SRL: variants seen among roughly 807,000 people sequenced by gnomAD.
SRL encodes sarcalumenin.
In SRL, 23 loss-of-function variants were observed where a neutral mutation model predicts 39.5. The ratio of observed to expected loss-of-function variants is 0.58; its 90% CI spans 0.42 to 0.82. The LOEUF is 0.82. SRL is among the 40% of genes least tolerant of loss of function. The pLI, the probability that SRL is intolerant of heterozygous loss-of-function variation, is 0.00. For missense variants in SRL, 592 were observed against 607.8 expected (o/e 0.97, Z 0.27); for synonymous variants, 272 against 237.4 (o/e 1.15, Z -1.34).
chr16:4,219,395 C>T (rs188284993), intron 1 of SRL, among the ~76,000 whole-genome samples: 43 of 152,348 alleles, frequency 2.8e-4, no homozygotes, highest in East Asian at 1.9e-3. Context: ...AAAGGACAGC[C>T]CCTTGGTGAG....
chr16:4,227,240 G>A (rs951228934), intron 1 of SRL, among the ~76,000 whole-genome samples: 3 of 151,698 alleles, frequency 2.0e-5, no homozygotes, highest in Non-Finnish European at 1.5e-5. Flanking sequence ...GTGGGTGGAT[G>A]GATGGATGAA....
At chr16:4,241,535 C>T (rs1028220780) in intron 1 of SRL, among the ~76,000 whole-genome samples, 1 of 152,248 alleles carries the variant, frequency 6.6e-6, no homozygotes, top group Non-Finnish European at 1.5e-5. Flanking sequence ...CCAAAACGGT[C>T]CCCACCTTTG....
chr16:4,192,188 T>C lies in SRL; in HGVS notation c.1387A>G (p.Ser463Gly), dbSNP rs1160139014. The change falls in exon 6 of 6, where the codon AGC becomes GGC. Residue 463 changes from serine (S) to glycine (G), a missense_variant. Ser to Gly is a moderately conservative substitution (Grantham distance 56, BLOSUM62 0). Coordinates refer to ENST00000399609, the MANE Select transcript of SRL (RefSeq NM_001098814.2). This position sits in a 1 kb window ranked among gnomAD's most constrained non-coding sequence, Gnocchi z 4.0. Reference protein sequence around the residue: ...GALNCDKTGCSETPKNRYRKH With the variant: ...GALNCDKTGCGETPKNRYRKH ...CTGTAGCGATTTTTTGGTGTTTCGC[T>C]ACACCCTGTTTTGTCACAGTTGAGA... 1 of 1,572,108 alleles carries C rather than the reference T, an allele frequency of 6.4e-7. No homozygotes were observed. The highest frequency in any genetic ancestry group is 2.2e-5 in the East Asian group (1 of 44,678).
At chr16:4,212,755 C>A (rs2052409824) in intron 1 of SRL, among the ~76,000 whole-genome samples, 1 of 152,102 alleles carries the variant, frequency 6.6e-6, no homozygotes, top group African/African-American at 2.4e-5. Context: ...CCAAGCACAA[C>A]ACACAACAAT....
intron 1 of SRL, among the ~76,000 whole-genome samples, chr16:4,225,767 C>T (rs749948228): frequency 1.3e-5 from 2 of 152,114 alleles, no homozygotes; most frequent in African/African-American, 4.8e-5. Context: ...TGTCCCCCAT[C>T]CCCTGTGTGT....
intron 3 of SRL, among the ~76,000 whole-genome samples, chr16:4,201,232 G>A (rs1345646763): frequency 6.6e-6 from 1 of 151,488 alleles, no homozygotes; most frequent in Non-Finnish European, 1.5e-5. Flanking sequence ...TCCTGCCTCA[G>A]CCTCCCGAGT....
chr16:4,215,978 A>G (rs2052455105), intron 1 of SRL, among the ~76,000 whole-genome samples: 1 of 152,054 alleles, frequency 6.6e-6, no homozygotes, highest in Non-Finnish European at 1.5e-5. Flanking sequence ...TGAAGTTGCA[A>G]TAAGCTTTGA....
Position 4,190,260 on chromosome 16 carries a change from C to A in SRL, c.*1893G>T, listed in dbSNP as rs537337238. Reference sequence around the variant, plus strand: ...TCTCCTCATAGACCTAACCTGACTGCCAACTGGCTTACCCTGCCTGACCTC... The same window carrying A: ...TCTCCTCATAGACCTAACCTGACTGACAACTGGCTTACCCTGCCTGACCTC... On this transcript the variant is annotated 3_prime_UTR_variant, in exon 6 of 6. Transcript: ENST00000399609. The A allele has an allele frequency of 1.3e-4, 50 of 398,952 alleles. No homozygotes were observed. Among genetic ancestry groups the A allele is most frequent in the African/African-American group, 1.0e-3 (49 of 48,766 alleles). The allele number at this position is 398,952 out of a possible 1,614,324, so 24.7% of individuals were successfully genotyped here.
At chr16:4,219,247 TA>T (rs1349942483) in intron 1 of SRL, among the ~76,000 whole-genome samples, 2 of 152,254 alleles carry the variant, frequency 1.3e-5, no homozygotes, top group African/African-American at 4.8e-5. Context: ...CCCGCAGCCG[TA>T]GTCTTCCCAT....
chr16:4,228,161 G>A (rs534093103), intron 1 of SRL, among the ~76,000 whole-genome samples: 17 of 152,376 alleles, frequency 1.1e-4, no homozygotes, highest in South Asian at 6.2e-4. Context: ...CCTGAAGGCC[G>A]GGAGCAGTGG....
At chr16:4,209,272 CAA>C (rs1250908902) in intron 1 of SRL, among the ~76,000 whole-genome samples, 2 of 140,546 alleles carry the variant, frequency 1.4e-5, no homozygotes, top group Admixed American at 7.1e-5. Flanking sequence ...GACTCCATCT[CAA>C]AAAAAAAAAG....
At chr16:4,212,291 A>G (rs1028370534) in intron 1 of SRL, among the ~76,000 whole-genome samples, 30 of 152,176 alleles carry the variant, frequency 2.0e-4, no homozygotes, top group Non-Finnish European at 3.8e-4. Flanking sequence ...GCTCCAACAG[A>G]AAGTCTCTCA....
chr16:4,205,550 G>C (rs972552810), intron 1 of SRL, among the ~76,000 whole-genome samples: 1 of 137,708 alleles, frequency 7.3e-6, no homozygotes, highest in African/African-American at 3.0e-5. Context: ...GTCAGAGAAG[G>C]CCTCCCCAGG....
chr16:4,241,765 T>C (rs1263621182), intron 1 of SRL, among the ~76,000 whole-genome samples: 1 of 152,196 alleles, frequency 6.6e-6, no homozygotes, highest in Admixed American at 6.5e-5. Context: ...AGCTCAGCTC[T>C]GTTTGCCGTT....
rs1028512510 is a variant in SRL at position 4,190,182 on chromosome 16, G to C, written c.*1971C>G. ...GCCAAACGCAACGGCCCCTGTGACA[G>C]CATGCACCAGAGTGATAACAATTCT... On this transcript the variant is annotated 3_prime_UTR_variant, in exon 6 of 6. Transcript: ENST00000399609. 1.0e-5 allele frequency: 4 copies of C among 398,036 alleles called. No homozygotes were observed. The highest frequency in any genetic ancestry group is 8.2e-5 in the African/African-American group (4 of 48,626). The allele number at this position is 398,036 out of a possible 1,614,324, so 24.7% of individuals were successfully genotyped here. A position where few individuals can be genotyped will look rare whatever the true frequency, so the allele number is the denominator to read the frequency against.
intron 5 of SRL, among the ~76,000 whole-genome samples, chr16:4,193,589 AC>A (rs1425491250): frequency 1.3e-5 from 2 of 152,214 alleles, no homozygotes; most frequent in Non-Finnish European, 2.9e-5. Context: ...TCTAAGCTCT[AC>A]CTTTTTAGCT....
chr16:4,203,021 C>T, intron 3 of SRL, 145 bp downstream of exon 3: 1 of 712,032 alleles, frequency 1.4e-6, no homozygotes. Flanking sequence ...CAGACCCAGA[C>T]CCACAAGTCC....
intron 1 of SRL, among the ~76,000 whole-genome samples, chr16:4,222,759 G>A (rs1026845254): frequency 2.0e-5 from 3 of 152,020 alleles, no homozygotes; most frequent in South Asian, 2.1e-4. Context: ...GGTGTGGCTC[G>A]AGGGCTATCT....
intron 4 of SRL, 105 bp from the exon 5 acceptor site, chr16:4,195,891 G>A: frequency 1.1e-6 from 1 of 917,158 alleles, no homozygotes; most frequent in Non-Finnish European, 1.7e-6. Context: ...TTTTGCAACA[G>A]AATTGGATAT....
Sources: gnomAD v4.1 joint callset for allele counts (sites outside exome capture counted in the v4.1 genomes callset) on GRCh38, gnomAD v4.1.1 for gene constraint, Gnocchi (gnomAD v3.1) non-coding constraint, MANE v1.5 for transcripts, NCBI Gene and HGNC (gene_info 2026-07-23, HGNC 2026-07-21) for gene names.